The following PCDH15 variants were observed in gnomAD, a reference collection of about 807,000 sequenced individuals.
PCDH15 encodes the protein protocadherin-15.
In PCDH15, 129 loss-of-function variants were observed where a neutral mutation model predicts 178.5. The observed-to-expected ratio is 0.72, with a 90% CI of 0.63 to 0.84. PCDH15 has a LOEUF of 0.84. Ranked by LOEUF, PCDH15 falls within the 40% of genes least tolerant of loss-of-function variation. The pLI is 0.00. For synonymous variants in PCDH15, 800 were observed against 732.0 expected (o/e 1.09, Z -1.50); for missense variants, 2,230 against 2,099.9 (o/e 1.06, Z -1.21).
At chr10:55,303,706 G>A (rs928988278) in intron 1 of PCDH15, among the ~76,000 whole-genome samples, 3 of 151,918 alleles carry the variant, frequency 2.0e-5, no homozygotes, top group Admixed American at 1.3e-4. Context: ...AGAGTTGTTT[G>A]TAATATTATC....
chr10:55,082,976 G>A (rs1238265631), intron 2 of PCDH15, among the ~76,000 whole-genome samples: 1 of 151,808 alleles, frequency 6.6e-6, no homozygotes, highest in East Asian at 1.9e-4. Context: ...ATTTAAACAA[G>A]ACCTAATACC....
chr10:55,100,528 A>T (rs770785876), intron 2 of PCDH15, among the ~76,000 whole-genome samples: 2 of 152,148 alleles, frequency 1.3e-5, no homozygotes, highest in Non-Finnish European at 2.9e-5. Flanking sequence ...TGGCACCAGC[A>T]TCTGCATATG....
intron 1 of PCDH15, among the ~76,000 whole-genome samples, chr10:55,232,998 C>A (rs1172964591): frequency 1.3e-5 from 2 of 152,088 alleles, no homozygotes; most frequent in African/African-American, 4.8e-5. Flanking sequence ...TTGCTTTAAA[C>A]CACTATGTTT....
At chr10:54,878,950 T>C (rs1187347087) in intron 3 of PCDH15, among the ~76,000 whole-genome samples, 1 of 152,316 alleles carries the variant, frequency 6.6e-6, no homozygotes, top group Middle Eastern at 3.4e-3. Context: ...TTTATAATGC[T>C]TCGCCGAATT....
chr10:55,502,504 A>G (rs1270967141), intron 2 of PCDH15, among the ~76,000 whole-genome samples: 3 of 151,846 alleles, frequency 2.0e-5, no homozygotes, highest in Admixed American at 1.3e-4. Context: ...CATATTTATT[A>G]TCAGATAAAA....
At chr10:54,977,735 T>C (rs1054067064) in intron 2 of PCDH15, among the ~76,000 whole-genome samples, 3 of 152,202 alleles carry the variant, frequency 2.0e-5, no homozygotes, top group Non-Finnish European at 2.9e-5. Flanking sequence ...CTGAATTCTT[T>C]CTTGTGCAAG....
At chr10:55,101,581 T>C (rs1842578340) in intron 2 of PCDH15, among the ~76,000 whole-genome samples, 1 of 151,892 alleles carries the variant, frequency 6.6e-6, no homozygotes, top group Non-Finnish European at 1.5e-5. Context: ...GTAGGAAATT[T>C]TCGTCACCTA....
chr10:54,864,179 T>C (rs1380517161), intron 3 of PCDH15, among the ~76,000 whole-genome samples: 1 of 152,174 alleles, frequency 6.6e-6, no homozygotes, highest in African/African-American at 2.4e-5. Context: ...TTGGCATATA[T>C]GGTGTAAACA....
intron 25 of PCDH15, among the ~76,000 whole-genome samples, chr10:53,907,784 G>A (rs1422325206): frequency 6.6e-6 from 1 of 152,110 alleles, no homozygotes; most frequent in African/African-American, 2.4e-5. Context: ...TCTTAGTATA[G>A]TTACCTCCTT....
At chr10:55,194,842 T>C (rs1371972389) in intron 1 of PCDH15, among the ~76,000 whole-genome samples, 2 of 152,002 alleles carry the variant, frequency 1.3e-5, no homozygotes, top group Non-Finnish European at 2.9e-5. Flanking sequence ...AATCAATTAT[T>C]TCCCCACTTT....
chr10:54,219,910 AG>A (rs1180153497), intron 9 of PCDH15, among the ~76,000 whole-genome samples: 4 of 152,064 alleles, frequency 2.6e-5, no homozygotes, highest in African/African-American at 7.2e-5. Flanking sequence ...CAAAATAATG[AG>A]GAAAAAAATT....
chr10:54,516,269 G>A (rs188888420), intron 3 of PCDH15, among the ~76,000 whole-genome samples: 1 of 151,616 alleles, frequency 6.6e-6, no homozygotes, highest in Non-Finnish European at 1.5e-5. Flanking sequence ...TGAGCTACAG[G>A]AGGAAATTCA....
intron 21 of PCDH15, among the ~76,000 whole-genome samples, chr10:53,992,837 G>T (rs147522650): frequency 1.6e-3 from 240 of 152,294 alleles, no homozygotes; most frequent in African/African-American, 5.5e-3. Flanking sequence ...CTTCAATTTA[G>T]TAGAGGGAAA....
intron 25 of PCDH15, among the ~76,000 whole-genome samples, chr10:53,915,300 T>C (rs898217009): frequency 1.3e-5 from 2 of 152,178 alleles, no homozygotes; most frequent in Non-Finnish European, 2.9e-5. Context: ...CTGGTTCTTC[T>C]CAGCTTTTGC....
At chr10:54,430,642 G>A (rs1282746171) in intron 3 of PCDH15, among the ~76,000 whole-genome samples, 1 of 151,992 alleles carries the variant, frequency 6.6e-6, no homozygotes, top group Non-Finnish European at 1.5e-5. Context: ...ATAGCAATAA[G>A]TGCCTACATC....
chr10:54,338,169 G>A (rs1941553583), intron 6 of PCDH15, among the ~76,000 whole-genome samples: 1 of 152,142 alleles, frequency 6.6e-6, no homozygotes. Flanking sequence ...CACAGCCTTG[G>A]TGTGAAAAGA....
At chr10:54,443,167 TAGC>T (rs1330339607) in intron 3 of PCDH15, among the ~76,000 whole-genome samples, 4 of 151,752 alleles carry the variant, frequency 2.6e-5, no homozygotes, top group African/African-American at 4.8e-5. Flanking sequence ...TTTATGAAAA[TAGC>T]AGCAATTTTT....
At chr10:53,830,681 T>C (rs1304227814) in intron 30 of PCDH15, among the ~76,000 whole-genome samples, 2 of 152,194 alleles carry the variant, frequency 1.3e-5, no homozygotes, top group Admixed American at 1.3e-4. Flanking sequence ...TTTTAAAATA[T>C]GGATATTGTC....
chr10:54,867,025 T>A (rs993684424), intron 3 of PCDH15, among the ~76,000 whole-genome samples: 11 of 152,176 alleles, frequency 7.2e-5, no homozygotes, highest in African/African-American at 2.7e-4. Flanking sequence ...ATGTTTAAAG[T>A]TTAGACTTTC....
Sources: gnomAD v4.1 joint callset for allele counts (sites outside exome capture counted in the v4.1 genomes callset) on GRCh38, gnomAD v4.1.1 for gene constraint, MANE v1.5 for transcripts, NCBI Gene and HGNC (gene_info 2026-07-23, HGNC 2026-07-21) for gene names.